Variants in VWC2L observed in about 807,000 individuals in gnomAD.
VWC2L encodes von Willebrand factor C domain-containing protein 2-like.
Under a neutral mutation model 21.6 loss-of-function variants are expected in VWC2L, and 10 were observed. That is an observed-to-expected ratio of 0.46 (90% CI 0.29 to 0.78). The LOEUF (loss-of-function observed/expected upper bound fraction) is 0.78, where lower values mean the gene tolerates loss of function less well. Ranked by LOEUF, VWC2L falls within the 30% of genes least tolerant of loss-of-function variation. The pLI is 0.10. For missense variants in VWC2L, 209 were observed against 277.1 expected (o/e 0.75, Z 1.74); for synonymous variants, 96 against 94.3 (o/e 1.02, Z -0.10).
At chr2:214,535,728 ATAAAT>A (rs1178232038) in intron 3 of VWC2L, among the ~76,000 whole-genome samples, 1 of 152,046 alleles carries the variant, frequency 6.6e-6, no homozygotes, top group African/African-American at 2.4e-5. Flanking sequence ...GATCAATTAG[ATAAAT>A]TAAATTTTAT....
chr2:214,520,189 A>T (rs753928653), intron 3 of VWC2L, among the ~76,000 whole-genome samples: 2 of 152,110 alleles, frequency 1.3e-5, no homozygotes, highest in African/African-American at 4.8e-5. Flanking sequence ...CATTGATAAC[A>T]TCTGGGCATA....
chr2:214,550,926 T>A (rs1368133065), intron 3 of VWC2L, among the ~76,000 whole-genome samples: 1 of 152,164 alleles, frequency 6.6e-6, no homozygotes, highest in African/African-American at 2.4e-5. Context: ...CCTTTTGTAA[T>A]CTTCACCAGC....
intron 3 of VWC2L, among the ~76,000 whole-genome samples, chr2:214,443,917 T>C (rs1438854687): frequency 1.3e-5 from 2 of 152,122 alleles, no homozygotes; most frequent in Admixed American, 1.3e-4. Flanking sequence ...GATATGTGAT[T>C]GCATTCTTGA....
intron 3 of VWC2L, among the ~76,000 whole-genome samples, chr2:214,460,732 ATTATT>A (rs775151345): frequency 6.0e-4 from 91 of 152,144 alleles, no homozygotes; most frequent in Middle Eastern, 3.4e-3. Flanking sequence ...ACTTAATATC[ATTATT>A]TTAAATTCTT....
intron 3 of VWC2L, among the ~76,000 whole-genome samples, chr2:214,529,160 A>G (rs1689392992): frequency 1.3e-5 from 2 of 152,174 alleles, no homozygotes; most frequent in South Asian, 4.1e-4. Context: ...CCACCTTAGC[A>G]CAGGTCCTTT....
Sources: allele counts gnomAD v4.1 joint callset (sites outside exome capture counted in the v4.1 genomes callset), GRCh38; gene constraint gnomAD v4.1.1; transcripts MANE v1.5; gene names NCBI Gene and HGNC (gene_info 2026-07-23, HGNC 2026-07-21).